TEX9: variants seen among roughly 807,000 people sequenced by gnomAD.
TEX9 encodes the protein testis-expressed protein 9.
A neutral mutation model predicts 59.6 loss-of-function variants in TEX9; 74 were observed. The observed-to-expected ratio is 1.24, with a 90% CI of 1.03 to 1.51. The LOEUF is 1.51. TEX9 is among the 40% of genes most tolerant of loss of function. The pLI is 0.00. For missense variants in TEX9, 522 were observed against 447.8 expected (o/e 1.17, Z -1.49); for synonymous variants, 186 against 152.2 (o/e 1.22, Z -1.64).
chr15:56,429,807 A>C (rs529486155), intron 12 of TEX9: 1 of 152,338 alleles, frequency 6.6e-6, no homozygotes, highest in East Asian at 1.9e-4. Flanking sequence ...GTCATTTGGC[A>C]CCATTAGGAC....
chr15:56,327,629 C>T, intron 1 of TEX9, among the ~76,000 whole-genome samples: 1 of 152,224 alleles, frequency 6.6e-6, no homozygotes, highest in East Asian at 1.9e-4. Context: ...GAACTGCCAA[C>T]ACCACTCCTC....
chr15:56,286,016 A>T (rs1306256340), intron 1 of TEX9, among the ~76,000 whole-genome samples: 1 of 152,216 alleles, frequency 6.6e-6, no homozygotes, highest in African/African-American at 2.4e-5. Context: ...AAATAGATTT[A>T]AAAATATTTG....
intron 4 of TEX9, among the ~76,000 whole-genome samples, chr15:56,386,040 A>G (rs1299933982): frequency 6.6e-6 from 1 of 152,160 alleles, no homozygotes; most frequent in African/African-American, 2.4e-5. Flanking sequence ...AAACCTGGAA[A>G]TAATTAAAAT....
chr15:56,283,080 G>GTGTC (rs748187346), intron 1 of TEX9, among the ~76,000 whole-genome samples: 1 of 145,652 alleles, frequency 6.9e-6, no homozygotes, highest in Non-Finnish European at 1.5e-5. Flanking sequence ...GTGTGTGTGT[G>GTGTC]TACATATACA....
intron 12 of TEX9, among the ~76,000 whole-genome samples, chr15:56,438,774 A>C (rs989778216): frequency 1.4e-4 from 22 of 151,938 alleles, no homozygotes; most frequent in African/African-American, 5.3e-4. Context: ...CCAGAATCTA[A>C]AAAGAACTCA....
chr15:56,353,275 A>C (rs1043726929), intron 1 of TEX9, among the ~76,000 whole-genome samples: 1 of 152,220 alleles, frequency 6.6e-6, no homozygotes, highest in African/African-American at 2.4e-5. Context: ...AGCCATGACT[A>C]ATCTGTTAAA....
intron 9 of TEX9, among the ~76,000 whole-genome samples, chr15:56,400,574 C>T (rs1027392858): frequency 6.6e-6 from 1 of 152,106 alleles, no homozygotes; most frequent in South Asian, 2.1e-4. Context: ...GGATATTTCC[C>T]AGGAGAACTT....
intron 9 of TEX9, among the ~76,000 whole-genome samples, chr15:56,398,512 C>T (rs1237914040): frequency 6.6e-6 from 1 of 152,068 alleles, no homozygotes; most frequent in Non-Finnish European, 1.5e-5. Flanking sequence ...CGTTATGCAC[C>T]CAAGCTCTGT....
intron 2 of TEX9, among the ~76,000 whole-genome samples, chr15:56,371,751 GT>G (rs1203084824): frequency 1.3e-5 from 2 of 152,070 alleles, no homozygotes; most frequent in Non-Finnish European, 2.9e-5. Flanking sequence ...CTATTTTAAA[GT>G]TTTTCCATGG....
At chr15:56,309,596 T>C (rs1342603291) in intron 1 of TEX9, among the ~76,000 whole-genome samples, 1 of 151,984 alleles carries the variant, frequency 6.6e-6, no homozygotes, top group African/African-American at 2.4e-5. Flanking sequence ...CCTTTTCTAT[T>C]TTTTAATGGA....
intron 1 of TEX9, among the ~76,000 whole-genome samples, chr15:56,340,367 C>G (rs1322444826): frequency 6.6e-6 from 1 of 152,156 alleles, no homozygotes; most frequent in East Asian, 1.9e-4. Flanking sequence ...CTCTTTTATT[C>G]TAACAATCAT....
chr15:56,395,826 T>A (rs1397056303), intron 9 of TEX9: 1 of 152,176 alleles, frequency 6.6e-6, no homozygotes, highest in Non-Finnish European at 1.5e-5. Flanking sequence ...TTTGAAAAAA[T>A]TACTGAATAA....
At chr15:56,385,597 T>A (rs1202415465) in intron 4 of TEX9, among the ~76,000 whole-genome samples, 1 of 152,062 alleles carries the variant, frequency 6.6e-6, no homozygotes, top group East Asian at 1.9e-4. Context: ...AAATAAATAA[T>A]TAGTCTTGGA....
intron 1 of TEX9, among the ~76,000 whole-genome samples, chr15:56,319,643 T>G (rs2045858895): frequency 6.6e-6 from 1 of 152,188 alleles, no homozygotes; most frequent in Admixed American, 6.5e-5. Context: ...CCAACTTGTC[T>G]GGGCCCAGCA....
chr15:56,429,101 T>C (rs147344343), intron 12 of TEX9: 29 of 1,577,390 alleles, frequency 1.8e-5, no homozygotes, highest in East Asian at 4.6e-5. Flanking sequence ...TTTGATGATA[T>C]CATTTCTCTT....
chr15:56,458,396 G>A, the TEX9 span, among the ~76,000 whole-genome samples: 2 of 152,068 alleles, frequency 1.3e-5, no homozygotes, highest in African/African-American at 4.8e-5. Flanking sequence ...CCTTCTATCA[G>A]CCTCCTCCAT....
At chr15:56,276,363 T>C (rs2141427006) in intron 1 of TEX9, among the ~76,000 whole-genome samples, 1 of 152,256 alleles carries the variant, frequency 6.6e-6, no homozygotes, top group Middle Eastern at 3.4e-3. Context: ...TGGTGTGTGA[T>C]GTTCCCCTCC....
intron 11 of TEX9, 27 bp from the exon 12 acceptor site, chr15:56,428,340 A>G (rs1378968579): frequency 6.4e-7 from 1 of 1,565,060 alleles, no homozygotes; most frequent in Non-Finnish European, 8.8e-7. Flanking sequence ...ATACTAAATC[A>G]GACAATATTG....
At chr15:56,319,137 A>G (rs1452636271) in intron 1 of TEX9, among the ~76,000 whole-genome samples, 1 of 152,012 alleles carries the variant, frequency 6.6e-6, no homozygotes, top group African/African-American at 2.4e-5. Context: ...ATCCATCTGT[A>G]TTATCCTATT....
Sources: gnomAD v4.1 joint callset for allele counts (sites outside exome capture counted in the v4.1 genomes callset) on GRCh38, gnomAD v4.1.1 for gene constraint, MANE v1.5 for transcripts, NCBI Gene and HGNC (gene_info 2026-07-23, HGNC 2026-07-21) for gene names.